Variants in COMMD10 observed in about 807,000 individuals in gnomAD.
COMMD10 encodes COMM domain containing 10.
Under a neutral mutation model 28.9 loss-of-function variants are expected in COMMD10, and 33 were observed. That is an observed-to-expected ratio of 1.14 (90% CI 0.87 to 1.53). The LOEUF (loss-of-function observed/expected upper bound fraction) is 1.53. Ranked by LOEUF, COMMD10 falls within the 40% of genes most tolerant of loss-of-function variation. The pLI is 0.00. For missense variants in COMMD10, 310 were observed against 233.4 expected, an observed-to-expected ratio of 1.33 and a Z score of -2.14; for synonymous variants, 110 against 81.7, an observed-to-expected ratio of 1.35 and a Z score of -1.87.
At chr5:116,246,291 C>G (rs1749950053) in intron 5 of COMMD10, among the ~76,000 whole-genome samples, 1 of 151,984 alleles carries the variant, frequency 6.6e-6, no homozygotes, top group African/African-American at 2.4e-5. Context: ...AGCAAAATAT[C>G]TCTACAAGAA....
At chr5:116,221,437 C>T (rs1424571300) in intron 5 of COMMD10, among the ~76,000 whole-genome samples, 1 of 152,068 alleles carries the variant, frequency 6.6e-6, no homozygotes, top group African/African-American at 2.4e-5. Flanking sequence ...GTAGATCAGG[C>T]GTACAAATTT....
At chr5:116,197,353 G>T (rs534829945) in intron 5 of COMMD10, among the ~76,000 whole-genome samples, 45 of 152,036 alleles carry the variant, frequency 3.0e-4, no homozygotes, top group African/African-American at 1.0e-3. Flanking sequence ...CTTTTTTTCT[G>T]TTTCTTGCCA....
intron 5 of COMMD10, among the ~76,000 whole-genome samples, chr5:116,161,828 G>A (rs1752928283): frequency 1.3e-5 from 2 of 152,204 alleles, no homozygotes; most frequent in African/African-American, 4.8e-5. Flanking sequence ...AGAGGCAGGT[G>A]CACTTCATAT....
At chr5:116,185,663 G>A (rs1419822241) in intron 5 of COMMD10, among the ~76,000 whole-genome samples, 1 of 152,034 alleles carries the variant, frequency 6.6e-6, no homozygotes, top group Non-Finnish European at 1.5e-5. Flanking sequence ...CATTTCTGGT[G>A]GAAAAATTCC....
At chr5:116,200,252 C>T (rs999722727) in intron 5 of COMMD10, among the ~76,000 whole-genome samples, 1 of 152,048 alleles carries the variant, frequency 6.6e-6, no homozygotes, top group Non-Finnish European at 1.5e-5. Flanking sequence ...CATCACTCCA[C>T]CCTTTTTGCT....
intron 5 of COMMD10, among the ~76,000 whole-genome samples, chr5:116,237,045 C>G (rs1012265505): frequency 6.6e-6 from 1 of 152,012 alleles, no homozygotes; most frequent in Non-Finnish European, 1.5e-5. Context: ...ATAGAATGAT[C>G]AAGGTAGGCC....
chr5:116,106,271 C>G (rs1750836786), intron 4 of COMMD10, among the ~76,000 whole-genome samples: 1 of 152,064 alleles, frequency 6.6e-6, no homozygotes, highest in Non-Finnish European at 1.5e-5. Flanking sequence ...GCAGGTTGTT[C>G]AGTTTCCATG....
chr5:116,202,366 A>G (rs1177701690), intron 5 of COMMD10, among the ~76,000 whole-genome samples: 2 of 151,932 alleles, frequency 1.3e-5, no homozygotes, highest in Non-Finnish European at 2.9e-5. Flanking sequence ...GTGTCTTTAT[A>G]GCAGCATGAT....
chr5:116,193,158 G>A (rs1411219189), intron 5 of COMMD10, among the ~76,000 whole-genome samples: 1 of 152,162 alleles, frequency 6.6e-6, no homozygotes, highest in Non-Finnish European at 1.5e-5. Flanking sequence ...CTGCTAAAAG[G>A]AGGTCTAAAT....
At chr5:116,120,411 C>G (rs11241363) in intron 4 of COMMD10, among the ~76,000 whole-genome samples, 124,612 of 152,018 alleles carry the variant, frequency 0.82, 51,258 homozygotes, top group African/African-American at 0.84. Flanking sequence ...TACACTGCTT[C>G]GGTGACGGTT....
intron 4 of COMMD10, among the ~76,000 whole-genome samples, chr5:116,096,290 C>T (rs1282241402): frequency 1.3e-5 from 2 of 150,586 alleles, no homozygotes; most frequent in Admixed American, 1.3e-4. Flanking sequence ...GCTTATCAAT[C>T]CTGCCCTTAT....
chr5:116,226,467 T>G (rs1008994399), intron 5 of COMMD10, among the ~76,000 whole-genome samples: 12 of 151,756 alleles, frequency 7.9e-5, no homozygotes, highest in African/African-American at 2.9e-4. Flanking sequence ...TGATGGACTT[T>G]CCTCAGTTTC....
chr5:116,146,177 T>G (rs1339341685), intron 5 of COMMD10, among the ~76,000 whole-genome samples: 2 of 151,816 alleles, frequency 1.3e-5, no homozygotes, highest in African/African-American at 2.4e-5. Context: ...TTACCCTGCA[T>G]CACCTTGGAA....
chr5:116,105,362 G>A lies in COMMD10; in HGVS notation c.399+12662G>A, dbSNP rs527742058. On this transcript the variant is annotated intron_variant, in intron 4 of 6. Transcript: ENST00000274458. ...ATGTGCTGCTGGATTTGGTTTGCTG[G>A]TATTTTATTGAGGATTTTTGCATTG... Among the ~76,000 whole-genome samples the A allele has an allele frequency of 4.6e-4, 70 of 152,298 alleles. 1 individual carries two copies. The highest frequency in any genetic ancestry group is 7.8e-4 in the Non-Finnish European group (53 of 68,024).
chr5:116,099,569 CA>C (rs1750586612), intron 4 of COMMD10, among the ~76,000 whole-genome samples: 1 of 152,112 alleles, frequency 6.6e-6, no homozygotes, highest in Admixed American at 6.6e-5. Context: ...CAACACTGTA[CA>C]ATGGTTTCTT....
chr5:116,202,810 C>T (rs184441690), intron 5 of COMMD10, among the ~76,000 whole-genome samples: 41,545 of 150,332 alleles, frequency 0.28, 7,782 homozygotes, highest in African/African-American at 0.53. Flanking sequence ...GAGTAGGTTG[C>T]GAAAATTTTC....
At chr5:116,279,356 G>C (rs186176453) in intron 5 of COMMD10, among the ~76,000 whole-genome samples, 1 of 151,792 alleles carries the variant, frequency 6.6e-6, no homozygotes, top group African/African-American at 2.4e-5. Context: ...AAAGTTATTC[G>C]ATTGATTTAA....
intron 5 of COMMD10, among the ~76,000 whole-genome samples, chr5:116,172,177 T>G (rs1753357364): frequency 6.6e-6 from 1 of 152,052 alleles, no homozygotes; most frequent in African/African-American, 2.4e-5. Flanking sequence ...AAACATCCCA[T>G]ATTGGCTTAC....
intron 4 of COMMD10, among the ~76,000 whole-genome samples, chr5:116,103,446 T>C (rs914399548): frequency 6.6e-6 from 1 of 152,228 alleles, no homozygotes; most frequent in African/African-American, 2.4e-5. Flanking sequence ...TTCATGTGTT[T>C]TTGGCTGCAT....
Sources: gnomAD v4.1 joint callset for allele counts (sites outside exome capture counted in the v4.1 genomes callset) on GRCh38, gnomAD v4.1.1 for gene constraint, MANE v1.5 for transcripts, NCBI Gene and HGNC (gene_info 2026-07-23, HGNC 2026-07-21) for gene names.